The following PKD1L1 variants were observed in gnomAD, a reference collection of about 807,000 sequenced individuals.
PKD1L1 encodes the protein polycystin 1 like 1, transient receptor potential channel interacting.
Under a neutral mutation model 323.4 loss-of-function variants are expected in PKD1L1, and 236 were observed. The observed-to-expected ratio is 0.73, with a 90% CI of 0.66 to 0.81. The LOEUF is 0.81. PKD1L1 is among the 40% of genes least tolerant of loss of function. The probability of loss-of-function intolerance (pLI) is 0.00; values close to 1 mark genes in which losing one functional copy is unlikely to be tolerated. For missense variants in PKD1L1, 3,320 were observed against 3,508.0 expected, an observed-to-expected ratio of 0.95 and a Z score of 1.35; for synonymous variants, 1,344 against 1,335.0, an observed-to-expected ratio of 1.01 and a Z score of -0.15.
chr7:47,792,429 C>A (rs1786971383), intron 56 of PKD1L1, among the ~76,000 whole-genome samples, 198 bp downstream of exon 56: 1 of 152,102 alleles, frequency 6.6e-6, no homozygotes, highest in African/African-American at 2.4e-5. Context: ...CCATTTTCAA[C>A]TGGAAGTCAC....
Position 47,815,359 on chromosome 7 carries a change from G to A in PKD1L1, c.7064C>T (p.Pro2355Leu), listed in dbSNP as rs1784993334. 8 of 1,614,086 alleles carry A rather than the reference G, an allele frequency of 5.0e-6. 1 individual carries two copies. In the South Asian group the frequency reaches 6.6e-5, roughly 13 times the overall value. Residue 2355 changes from proline (P) to leucine (L), a missense_variant, in exon 47 of 57, where the codon CCG (proline) becomes CTG (leucine). Pro to Leu is a moderately conservative substitution (Grantham distance 98). Coordinates refer to ENST00000289672, the MANE Select transcript of PKD1L1 (RefSeq NM_138295.5). ...CTGAGCCCCCGGCACACGGGCTGACGGGGTGCCTCCCGGGTACAGGCCATC... is the reference window on the plus strand; with the variant it reads ...CTGAGCCCCCGGCACACGGGCTGACAGGGTGCCTCCCGGGTACAGGCCATC... ...LLDGLYPGGT[P>L]SARVPGAQPG...
chr7:47,953,234 A>G (rs1583702129), upstream of PKD1L1, among the ~76,000 whole-genome samples: 2 of 152,334 alleles, frequency 1.3e-5, no homozygotes, highest in Middle Eastern at 3.4e-3. Flanking sequence ...TAACACATGT[A>G]TTACATGGGG....
chr7:47,845,740 C>A (rs566476484), intron 32 of PKD1L1, among the ~76,000 whole-genome samples: 49 of 152,220 alleles, frequency 3.2e-4, no homozygotes, highest in African/African-American at 1.1e-3. Context: ...CAGGTGTGTG[C>A]CCATCTAATT....
intron 24 of PKD1L1, among the ~76,000 whole-genome samples, chr7:47,868,271 A>T (rs1384758742): frequency 6.6e-6 from 1 of 152,206 alleles, no homozygotes; most frequent in Admixed American, 6.5e-5. Flanking sequence ...TGGGAGGCTG[A>T]GGCAGGAGAA....
intron 11 of PKD1L1, among the ~76,000 whole-genome samples, 192 bp from the exon 12 acceptor site, chr7:47,904,809 C>T (rs1196244620): frequency 6.6e-6 from 1 of 152,058 alleles, no homozygotes; most frequent in Non-Finnish European, 1.5e-5. Flanking sequence ...TTTTTGACTA[C>T]CCCCCTCTTC....
At chr7:47,816,722 T>C (rs1164053860) in intron 46 of PKD1L1, among the ~76,000 whole-genome samples, 1 of 152,238 alleles carries the variant, frequency 6.6e-6, no homozygotes, top group African/African-American at 2.4e-5. Context: ...GTCACCCAAG[T>C]ACACACAGTT....
At chr7:47,939,091 C>T (rs1787932212) in intron 3 of PKD1L1, among the ~76,000 whole-genome samples, 1 of 152,168 alleles carries the variant, frequency 6.6e-6, no homozygotes, top group Admixed American at 6.5e-5. Context: ...TAAAACACCT[C>T]TCCCCAACCT....
chr7:47,820,458 C>T (rs74353229), intron 46 of PKD1L1, among the ~76,000 whole-genome samples: 22,562 of 152,174 alleles, frequency 0.15, 2,061 homozygotes, highest in East Asian at 0.21. Flanking sequence ...GGCGTAGTGG[C>T]GCACACCTGT....
chr7:47,902,393 G>A lies in PKD1L1; in HGVS notation c.2050C>T (p.Pro684Ser), dbSNP rs533524348. ...TCCGAGCCTACCTGGACTTTCCCAGGCCCCATGTTCTTCACCAGGGGTGGC... is the reference window on the plus strand; with the variant it reads ...TCCGAGCCTACCTGGACTTTCCCAGACCCCATGTTCTTCACCAGGGGTGGC... The part of the protein sequence containing the change: ...CQPPLVKNMG[P>S]GKVQIWRSQP... Residue 684 changes from proline to serine, a missense_variant, in exon 13 of 57, where the codon CCT (proline) becomes TCT (serine). Pro to Ser is a moderately conservative substitution (Grantham distance 74). Coordinates refer to ENST00000289672, the MANE Select transcript of PKD1L1 (RefSeq NM_138295.5). 1 of 1,614,124 alleles carries A rather than the reference G, an allele frequency of 6.2e-7. No individual in the cohort carries two copies. The highest frequency in any genetic ancestry group is 8.5e-7 in the Non-Finnish European group (1 of 1,180,012).
chr7:47,780,594 T>C (rs1339916406), intron 56 of PKD1L1, among the ~76,000 whole-genome samples: 1 of 151,614 alleles, frequency 6.6e-6, no homozygotes, highest in African/African-American at 2.4e-5. Flanking sequence ...ATTGTACCAC[T>C]GCACTCCAGT....
intron 25 of PKD1L1, 118 bp from the exon 26 acceptor site, chr7:47,865,390 G>T: frequency 3.5e-6 from 3 of 852,298 alleles, no homozygotes; most frequent in Non-Finnish European, 5.5e-6. Context: ...CTGCTTTTTG[G>T]CCAAAAGACC....
chr7:47,836,879 T>C (rs752499793), intron 37 of PKD1L1, 42 bp downstream of exon 37: 3 of 1,590,306 alleles, frequency 1.9e-6, no homozygotes, highest in Non-Finnish European at 2.6e-6. Flanking sequence ...CACAGTGTAG[T>C]CGGATCTGGA....
At chr7:47,834,482 A>G in intron 39 of PKD1L1, 97 bp from the exon 40 acceptor site, 1 of 959,158 alleles carries the variant, frequency 1.0e-6, no homozygotes, top group Non-Finnish European at 1.6e-6. Flanking sequence ...TACTTTCTTC[A>G]GCAAATACTC....
At chr7:47,936,992 G>A (rs370371134) in intron 3 of PKD1L1, 34 bp from the exon 4 acceptor site, 80 of 1,513,422 alleles carry the variant, frequency 5.3e-5, no homozygotes, top group Non-Finnish European at 7.2e-5. Flanking sequence ...ATGTGAGAGA[G>A]CTGCTTATGA....
intron 26 of PKD1L1, among the ~76,000 whole-genome samples, chr7:47,862,782 C>T (rs148977870): frequency 1.3e-4 from 20 of 152,104 alleles, no homozygotes; most frequent in African/African-American, 3.4e-4. Context: ...GGTTAGGAAG[C>T]GGGAGAAAAG....
chr7:47,814,711 C>T (rs1452335715), intron 47 of PKD1L1, among the ~76,000 whole-genome samples: 1 of 151,958 alleles, frequency 6.6e-6, no homozygotes, highest in Admixed American at 6.6e-5. Flanking sequence ...ACAGGGTTTC[C>T]CCATGTTGGC....
intron 26 of PKD1L1, 118 bp downstream of exon 26, chr7:47,865,098 C>A: frequency 1.4e-6 from 1 of 738,734 alleles, no homozygotes; most frequent in Admixed American, 2.8e-5. Context: ...AAGGGAAAAT[C>A]ACATTTCTAA....
At chr7:47,875,517 T>C (rs1036681112) in intron 23 of PKD1L1, among the ~76,000 whole-genome samples, 2 of 152,222 alleles carry the variant, frequency 1.3e-5, no homozygotes. Context: ...TTAACCAGCC[T>C]GGGTTTGCAC....
At chr7:47,787,868 C>T (rs143434743) in intron 56 of PKD1L1, among the ~76,000 whole-genome samples, 1,555 of 152,220 alleles carry the variant, frequency 0.01, 25 homozygotes, top group African/African-American at 0.035. Context: ...TGTGCCACCA[C>T]ACCTGGCTAA....
Sources: gnomAD v4.1 joint callset for allele counts (sites outside exome capture counted in the v4.1 genomes callset) on GRCh38, gnomAD v4.1.1 for gene constraint, MANE v1.5 for transcripts, NCBI Gene and HGNC (gene_info 2026-07-23, HGNC 2026-07-21) for gene names.